The following EBF1 variants were observed in gnomAD, a reference collection of about 807,000 sequenced individuals.
EBF1 encodes the protein EBF transcription factor 1, also known as transcription factor COE1.
Under a neutral mutation model 68.4 loss-of-function variants are expected in EBF1, and 10 were observed. That is an observed-to-expected ratio of 0.15 (90% CI 0.09 to 0.25). The LOEUF (loss-of-function observed/expected upper bound fraction) is 0.25, where lower values mean the gene tolerates loss of function less well. Among genes scored for constraint, EBF1 ranks in the 10% least tolerant of loss-of-function variants. EBF1 has a pLI of 1.00. For missense variants in EBF1, 509 were observed against 794.4 expected, an observed-to-expected ratio of 0.64 and a Z score of 4.32; for synonymous variants, 298 against 299.8, an observed-to-expected ratio of 0.99 and a Z score of 0.06.
At chr5:158,974,187 C>G (rs1416801540) in intron 6 of EBF1, among the ~76,000 whole-genome samples, 2 of 152,216 alleles carry the variant, frequency 1.3e-5, no homozygotes, top group Non-Finnish European at 2.9e-5. Flanking sequence ...AGACTGATTT[C>G]TAGCCCTCCA....
intron 5 of EBF1, among the ~76,000 whole-genome samples, chr5:159,083,894 T>G (rs2127980201): frequency 6.6e-6 from 1 of 152,386 alleles, no homozygotes; most frequent in South Asian, 2.1e-4. Flanking sequence ...AGAATAAGAA[T>G]GCAAGTTAAA....
chr5:158,989,118 C>G (rs1267296415), intron 6 of EBF1, among the ~76,000 whole-genome samples: 3 of 152,142 alleles, frequency 2.0e-5, no homozygotes, highest in Non-Finnish European at 4.4e-5. Context: ...TGTCTGATAC[C>G]CAGCAAATCC....
chr5:159,011,831 G>GA (rs751314643), intron 6 of EBF1, among the ~76,000 whole-genome samples: 1 of 152,204 alleles, frequency 6.6e-6, no homozygotes. Flanking sequence ...GTTCTGCTAA[G>GA]AAAAAATATA....
At chr5:158,832,427 G>A (rs145555419) in intron 7 of EBF1, among the ~76,000 whole-genome samples, 1 of 152,308 alleles carries the variant, frequency 6.6e-6, no homozygotes, top group East Asian at 1.9e-4. Flanking sequence ...CCTGTATTCT[G>A]AAACTATCAT....
At chr5:158,977,373 A>G (rs902251678) in intron 6 of EBF1, among the ~76,000 whole-genome samples, 3 of 152,278 alleles carry the variant, frequency 2.0e-5, no homozygotes, top group African/African-American at 7.2e-5. Flanking sequence ...ACTCACAATT[A>G]GAAAGTACAC....
At chr5:159,098,505 G>A (rs1783050296) in intron 1 of EBF1, among the ~76,000 whole-genome samples, 1 of 152,050 alleles carries the variant, frequency 6.6e-6, no homozygotes, top group Non-Finnish European at 1.5e-5. Context: ...AGAAGACTCA[G>A]GGGAGAAATG....
At chr5:158,961,998 T>G (rs1460909508) in intron 6 of EBF1, among the ~76,000 whole-genome samples, 3 of 152,222 alleles carry the variant, frequency 2.0e-5, no homozygotes, top group Admixed American at 6.5e-5. Context: ...TGTTTACACC[T>G]TGCATCTGTG....
chr5:158,876,810 C>T (rs146959226), intron 6 of EBF1, among the ~76,000 whole-genome samples: 1 of 152,258 alleles, frequency 6.6e-6, no homozygotes, highest in East Asian at 1.9e-4. Context: ...TGTATTAATA[C>T]AAAGGAAATT....
chr5:159,095,747 CAACAACAAAAAAT>C, intron 3 of EBF1, 72 bp from the exon 4 acceptor site: 1 of 1,520,892 alleles, frequency 6.6e-7, no homozygotes, highest in Admixed American at 1.8e-5. Flanking sequence ...CAATAATTAA[CAACAACAAAAAAT>C]AACAACAAAA....
intron 6 of EBF1, among the ~76,000 whole-genome samples, chr5:158,998,888 G>A (rs1761973014): frequency 6.6e-6 from 1 of 152,018 alleles, no homozygotes; most frequent in Non-Finnish European, 1.5e-5. Flanking sequence ...AACTGTGCCG[G>A]ATCGCGATGT....
chr5:158,707,513 C>T (rs1758122759), intron 15 of EBF1: 1 of 234,790 alleles, frequency 4.3e-6, no homozygotes, highest in African/African-American at 2.2e-5. Context: ...TGTTATCAGC[C>T]CCACACACGT....
chr5:158,911,236 A>G lies in EBF1; in HGVS notation c.555-71126T>C, dbSNP rs59064054. Among the ~76,000 whole-genome samples the G allele has an allele frequency of 2.2e-3, 330 of 152,358 alleles. 1 individual carries two copies. Among genetic ancestry groups the G allele is most frequent in the African/African-American group, 7.6e-3 (316 of 41,588 alleles). ...ACTAAATGTAACACCCATTTTGTAC[A>G]AAATGCTTAGACCTTCTTCAGCGTA... is the stretch of plus-strand genomic sequence containing the variant. On this transcript the variant is annotated intron_variant, in intron 6 of 15. Coordinates refer to ENST00000313708, the MANE Select transcript of EBF1 (RefSeq NM_024007.5).
chr5:159,077,394 G>A (rs1461275831), intron 5 of EBF1, among the ~76,000 whole-genome samples: 3 of 152,236 alleles, frequency 2.0e-5, no homozygotes, highest in South Asian at 2.1e-4. Flanking sequence ...ACCTGATATC[G>A]TGCCATTCCA....
intron 4 of EBF1, among the ~76,000 whole-genome samples, chr5:159,090,014 A>T (rs1406399940): frequency 2.0e-5 from 3 of 152,124 alleles, no homozygotes; most frequent in African/African-American, 2.4e-5. Context: ...TCCCCTTACA[A>T]AATAAAAAGC....
At chr5:158,856,843 G>A (rs961457679) in intron 6 of EBF1, among the ~76,000 whole-genome samples, 1 of 152,110 alleles carries the variant, frequency 6.6e-6, no homozygotes, top group African/African-American at 2.4e-5. Context: ...AACTGCAACT[G>A]GGCTAAGAAT....
At chr5:158,807,306 G>A (rs1197881887) in intron 8 of EBF1, among the ~76,000 whole-genome samples, 4 of 152,112 alleles carry the variant, frequency 2.6e-5, no homozygotes, top group Non-Finnish European at 4.4e-5. Flanking sequence ...ATGGGATGAG[G>A]AGATGCAATG....
At chr5:158,773,687 C>T (rs1332194071) in intron 10 of EBF1, among the ~76,000 whole-genome samples, 1 of 151,984 alleles carries the variant, frequency 6.6e-6, no homozygotes, top group Non-Finnish European at 1.5e-5. Context: ...TGGAATTGGC[C>T]GCTTCTTATC....
chr5:158,735,687 A>C (rs1271827933), intron 10 of EBF1, among the ~76,000 whole-genome samples: 2 of 152,002 alleles, frequency 1.3e-5, no homozygotes, highest in African/African-American at 2.4e-5. Context: ...ACTACTTTTG[A>C]AAAAAAAGTT....
chr5:159,017,740 G>C (rs1218763988), intron 6 of EBF1, among the ~76,000 whole-genome samples: 10 of 152,174 alleles, frequency 6.6e-5, no homozygotes, highest in Admixed American at 5.2e-4. Flanking sequence ...CTTGCTTACT[G>C]ATTCAGGAAA....
Sources: allele counts gnomAD v4.1 joint callset (sites outside exome capture counted in the v4.1 genomes callset), GRCh38; gene constraint gnomAD v4.1.1; transcripts MANE v1.5; gene names NCBI Gene and HGNC (gene_info 2026-07-23, HGNC 2026-07-21).